The following HCN1 variants were observed in gnomAD, a reference collection of about 807,000 sequenced individuals.
HCN1 encodes hyperpolarization activated cyclic nucleotide gated potassium channel 1.
In HCN1, 13 loss-of-function variants were observed where a neutral mutation model predicts 78.9. That is an observed-to-expected ratio of 0.16 (90% CI 0.11 to 0.26). HCN1 has a LOEUF of 0.26. Ranked by LOEUF, HCN1 falls within the 10% of genes least tolerant of loss-of-function variation. The pLI, the probability that HCN1 is intolerant of heterozygous loss-of-function variation, is 1.00. For synonymous variants in HCN1, 552 were observed against 455.5 expected (o/e 1.21, Z -2.70); for missense variants, 810 against 1,154.3 (o/e 0.70, Z 4.32).
At chr5:45,536,219 G>T (rs1742966838) in intron 2 of HCN1, among the ~76,000 whole-genome samples, 3 of 151,898 alleles carry the variant, frequency 2.0e-5, no homozygotes, top group African/African-American at 4.8e-5. Context: ...CTGTATTTTT[G>T]GATCTGTAAA....
At chr5:45,462,289 A>G (rs1251648859) in intron 2 of HCN1, among the ~76,000 whole-genome samples, 1 of 151,952 alleles carries the variant, frequency 6.6e-6, no homozygotes, top group Non-Finnish European at 1.5e-5. Context: ...AGAAGTTTTT[A>G]TTTATTGTTC....
At chr5:45,373,694 G>A (rs1247059542) in intron 4 of HCN1, among the ~76,000 whole-genome samples, 1 of 104,578 alleles carries the variant, frequency 9.6e-6, no homozygotes, top group African/African-American at 4.0e-5. Context: ...TATTACATAC[G>A]GTATATACGT....
At chr5:45,532,634 A>G (rs1742883610) in intron 2 of HCN1, among the ~76,000 whole-genome samples, 2 of 152,162 alleles carry the variant, frequency 1.3e-5, no homozygotes, top group South Asian at 2.1e-4. Flanking sequence ...AGAGTTTTAT[A>G]TATGTTTATT....
intron 3 of HCN1, among the ~76,000 whole-genome samples, chr5:45,422,359 G>A (rs1472298361): frequency 6.6e-6 from 1 of 151,996 alleles, no homozygotes; most frequent in African/African-American, 2.4e-5. Flanking sequence ...TTTTTCTCTT[G>A]TTAATATTTC....
intron 4 of HCN1, among the ~76,000 whole-genome samples, chr5:45,372,983 AAAT>A (rs1445818186): frequency 1.4e-5 from 2 of 140,358 alleles, no homozygotes; most frequent in South Asian, 2.2e-4. Flanking sequence ...AATAAATAAA[AAAT>A]AATATATAAA....
chr5:45,370,918 C>T (rs1434166762), intron 4 of HCN1, among the ~76,000 whole-genome samples: 1 of 152,026 alleles, frequency 6.6e-6, no homozygotes, highest in Non-Finnish European at 1.5e-5. Flanking sequence ...ATTCTTTTTA[C>T]TGATTCTCCA....
Position 45,645,192 on chromosome 5 carries a change from C to T in HCN1, c.842G>A (p.Trp281Ter), listed in dbSNP as rs2112031683. ...LSRLIRYIHQ[W>*]EEIFHMTYDL... ...GAAAAAGATGCATCTTACCTCTTCCCATTGATGTATGTATCTAATTAACCT... is the reference window on the plus strand; with the variant it reads ...GAAAAAGATGCATCTTACCTCTTCCTATTGATGTATGTATCTAATTAACCT... The change falls in exon 2 of 8, where the codon TGG becomes TAG. Residue 281 changes from tryptophan to a stop codon, truncating the protein, a stop_gained. Coordinates refer to ENST00000303230, the MANE Select transcript of HCN1 (RefSeq NM_021072.4). LOFTEE classifies it high-confidence loss of function. 1 of 1,609,702 alleles carries T rather than the reference C, an allele frequency of 6.2e-7. No homozygotes were observed. Among genetic ancestry groups the T allele is most frequent in the Admixed American group, 1.7e-5 (1 of 59,838 alleles).
At position 45,590,952 on chromosome 5, in the gene HCN1, C is replaced by G. The variant is rs549881280; in HGVS notation, c.849+54233G>C. ...GCTCAAACAATCCTCCCACCTCAGT[C>G]TCTCGAGCAACTGGGACTACAGGCA... On this transcript the variant is annotated intron_variant, in intron 2 of 7. Transcript: ENST00000303230. 1.1e-4 allele frequency among the ~76,000 whole-genome samples: 17 copies of G among 152,196 alleles called. 1 individual carries two copies. In the East Asian group the frequency reaches 3.3e-3, roughly 30 times the overall value.
intron 6 of HCN1, among the ~76,000 whole-genome samples, chr5:45,288,067 A>G (rs1745302778): frequency 6.6e-6 from 1 of 152,012 alleles, no homozygotes; most frequent in Non-Finnish European, 1.5e-5. Flanking sequence ...GGCTTTCCCA[A>G]GGTCAAATAG....
At chr5:45,451,761 T>C (rs1308392910) in intron 3 of HCN1, among the ~76,000 whole-genome samples, 1 of 151,926 alleles carries the variant, frequency 6.6e-6, no homozygotes, top group Non-Finnish European at 1.5e-5. Flanking sequence ...AAAACATAGT[T>C]TCTGGAAAAT....
intron 6 of HCN1, among the ~76,000 whole-genome samples, chr5:45,281,970 T>C (rs1203709759): frequency 1.3e-5 from 2 of 152,174 alleles, no homozygotes; most frequent in Non-Finnish European, 2.9e-5. Context: ...TTCTTTCATA[T>C]TGAGCCACAC....
intron 5 of HCN1, among the ~76,000 whole-genome samples, chr5:45,314,095 G>C (rs1250232514): frequency 6.6e-6 from 1 of 152,154 alleles, no homozygotes; most frequent in Non-Finnish European, 1.5e-5. Context: ...GGAAAAAAAT[G>C]GTAAGGGCAG....
intron 2 of HCN1, among the ~76,000 whole-genome samples, chr5:45,515,003 C>A (rs957343721): frequency 6.6e-6 from 1 of 151,756 alleles, no homozygotes; most frequent in Non-Finnish European, 1.5e-5. Context: ...TGGTAATATG[C>A]TTTCTTATTT....
At chr5:45,285,659 C>T (rs1473795917) in intron 6 of HCN1, among the ~76,000 whole-genome samples, 1 of 151,950 alleles carries the variant, frequency 6.6e-6, no homozygotes, top group Non-Finnish European at 1.5e-5. Flanking sequence ...CAAGATCAAT[C>T]ACCACCAGTT....
At chr5:45,316,663 A>C (rs1431694832) in intron 5 of HCN1, among the ~76,000 whole-genome samples, 4 of 152,030 alleles carry the variant, frequency 2.6e-5, no homozygotes, top group Admixed American at 6.6e-5. Flanking sequence ...ATTTAGAAAA[A>C]CCCATCGTCT....
chr5:45,696,139 G>T lies in HCN1; in HGVS notation c.-46C>A. ...GACGGCGCGGGCTCCAGACTCGCCG[G>T]CCGCCCGGCGCCGGAGACACGTAGC... is the stretch of plus-strand genomic sequence containing the variant. On this transcript the variant is annotated 5_prime_UTR_variant, in exon 1 of 8. Transcript: ENST00000303230. 8.1e-7 allele frequency: 1 copy of T among 1,231,828 alleles called. No individual in the cohort carries two copies. Among genetic ancestry groups the T allele is most frequent in the Non-Finnish European group, 1.0e-6 (1 of 969,412 alleles). The allele number at this position is 1,231,828 out of a possible 1,614,324, so 76.3% of individuals were successfully genotyped here.
intron 6 of HCN1, among the ~76,000 whole-genome samples, chr5:45,295,967 G>T (rs1418239815): frequency 6.6e-6 from 1 of 151,876 alleles, no homozygotes; most frequent in Non-Finnish European, 1.5e-5. Context: ...CTTCTTTGAT[G>T]TCTAAAACTG....
chr5:45,520,066 T>C (rs1267567131), intron 2 of HCN1, among the ~76,000 whole-genome samples: 1 of 152,134 alleles, frequency 6.6e-6, no homozygotes, highest in Non-Finnish European at 1.5e-5. Context: ...AATAAAGATA[T>C]GGGCATTAAT....
At chr5:45,267,343 A>T in intron 6 of HCN1, 90 bp from the exon 7 acceptor site, 6 of 1,206,620 alleles carry the variant, frequency 5.0e-6, no homozygotes, top group Non-Finnish European at 7.2e-6. Context: ...AACAAGTCTC[A>T]TGGTGTGAAA....
Sources: gnomAD v4.1 joint callset for allele counts (sites outside exome capture counted in the v4.1 genomes callset) on GRCh38, gnomAD v4.1.1 for gene constraint, MANE v1.5 for transcripts, NCBI Gene and HGNC (gene_info 2026-07-23, HGNC 2026-07-21) for gene names.